Variants in SH3GL3 observed in about 807,000 individuals in gnomAD.
SH3GL3 encodes the protein SH3 domain containing GRB2 like 3, endophilin A3, also known as endophilin-A3.
A neutral mutation model predicts 47.7 loss-of-function variants in SH3GL3; 33 were observed. The observed-to-expected ratio is 0.69, with a 90% CI of 0.52 to 0.92. The LOEUF (loss-of-function observed/expected upper bound fraction) is 0.92. Ranked by LOEUF, SH3GL3 falls within the 40% of genes least tolerant of loss-of-function variation. The pLI is 0.00. For synonymous variants in SH3GL3, 155 were observed against 148.8 expected (o/e 1.04, Z -0.30); for missense variants, 363 against 417.8 (o/e 0.87, Z 1.14).
chr15:83,481,196 A>T (rs375938503), intron 1 of SH3GL3, among the ~76,000 whole-genome samples: 1 of 149,248 alleles, frequency 6.7e-6, no homozygotes, highest in South Asian at 2.1e-4. Flanking sequence ...AATCGCTTGA[A>T]CCCGGGAGGC....
At chr15:83,632,956 T>A in the SH3GL3 span, among the ~76,000 whole-genome samples, 2 of 152,166 alleles carry the variant, frequency 1.3e-5, no homozygotes, top group Non-Finnish European at 2.9e-5. Flanking sequence ...GTGTGCAACA[T>A]CATTAATCAG....
the SH3GL3 span, among the ~76,000 whole-genome samples, chr15:83,628,644 G>A: frequency 1.3e-5 from 2 of 152,202 alleles, no homozygotes; most frequent in Non-Finnish European, 2.9e-5. Flanking sequence ...TCAGGAAGCT[G>A]AGGCAGGAGA....
intron 8 of SH3GL3, among the ~76,000 whole-genome samples, chr15:83,590,456 C>T (rs2060065496): frequency 1.3e-5 from 2 of 152,148 alleles, no homozygotes; most frequent in African/African-American, 4.8e-5. Flanking sequence ...AGATCTTTAT[C>T]ATAAGGATTT....
intron 1 of SH3GL3, among the ~76,000 whole-genome samples, chr15:83,486,858 A>G (rs2041620492): frequency 6.6e-6 from 1 of 152,188 alleles, no homozygotes. Context: ...TGGCTTGCAG[A>G]TGGCTACCTT....
At chr15:83,603,804 A>G (rs2060447838) in intron 8 of SH3GL3, among the ~76,000 whole-genome samples, 1 of 152,230 alleles carries the variant, frequency 6.6e-6, no homozygotes, top group Non-Finnish European at 1.5e-5. Flanking sequence ...TATTATAGGC[A>G]AAAAGTTTTT....
intron 1 of SH3GL3, among the ~76,000 whole-genome samples, chr15:83,456,908 A>G (rs1473045603): frequency 6.6e-6 from 1 of 152,080 alleles, no homozygotes; most frequent in Non-Finnish European, 1.5e-5. Context: ...AGAGCTGTTT[A>G]CTCTTCTGGT....
At chr15:83,472,852 C>T (rs1000381346) in intron 1 of SH3GL3, among the ~76,000 whole-genome samples, 4 of 152,122 alleles carry the variant, frequency 2.6e-5, no homozygotes, top group Non-Finnish European at 4.4e-5. Flanking sequence ...TGACATTGCT[C>T]TGGTAGGGGA....
intron 1 of SH3GL3, among the ~76,000 whole-genome samples, chr15:83,493,978 A>G (rs1054544808): frequency 2.6e-5 from 4 of 152,364 alleles, no homozygotes; most frequent in East Asian, 1.9e-4. Flanking sequence ...AGAAACTTCA[A>G]TCGGGAGGGA....
At chr15:83,596,156 C>A (rs1171574683) in intron 8 of SH3GL3, among the ~76,000 whole-genome samples, 1 of 152,160 alleles carries the variant, frequency 6.6e-6, no homozygotes, top group Non-Finnish European at 1.5e-5. Flanking sequence ...TGTGTTATAT[C>A]ATTTCCACAT....
intron 1 of SH3GL3, among the ~76,000 whole-genome samples, chr15:83,555,819 G>A (rs1477440703): frequency 6.6e-6 from 1 of 152,184 alleles, no homozygotes; most frequent in East Asian, 1.9e-4. Flanking sequence ...CATAGCCTGT[G>A]TGCAGGCAAG....
intron 3 of SH3GL3, among the ~76,000 whole-genome samples, chr15:83,567,964 T>TC (rs1596277393): frequency 5.9e-5 from 9 of 151,758 alleles, no homozygotes; most frequent in Admixed American, 3.3e-4. Flanking sequence ...TTTCTTTTTT[T>TC]TTTTCTTTCT....
chr15:83,482,618 G>A (rs1412982376), intron 1 of SH3GL3, among the ~76,000 whole-genome samples: 1 of 151,436 alleles, frequency 6.6e-6, no homozygotes, highest in East Asian at 1.9e-4. Context: ...CTCAGCCTCC[G>A]GAGTAGCTGG....
At position 83,593,880 on chromosome 15, in the gene SH3GL3, G is replaced by A. The variant is rs77337411; in HGVS notation, c.838+5109G>A. On this transcript the variant is annotated intron_variant, in intron 8 of 8. Coordinates refer to ENST00000427482, the MANE Select transcript of SH3GL3 (RefSeq NM_003027.5). ...GTTGCCCAGGCTGGAGTGCAGTGGC[G>A]CAGTCGCAGCTTGTTGCAACCTCAA... 3.8e-3 allele frequency among the ~76,000 whole-genome samples: 580 copies of A among 151,940 alleles called. 19 individuals carry two copies. In the East Asian group the frequency reaches 0.088, roughly 23 times the overall value.
chr15:83,576,837 G>A, intron 6 of SH3GL3, 96 bp downstream of exon 6: 1 of 824,994 alleles, frequency 1.2e-6, no homozygotes, highest in African/African-American at 1.7e-5. Context: ...TAAAGCAGGA[G>A]TGTCCAATCT....
intron 1 of SH3GL3, among the ~76,000 whole-genome samples, chr15:83,544,280 G>T (rs1179101511): frequency 6.6e-6 from 1 of 151,978 alleles, no homozygotes; most frequent in Non-Finnish European, 1.5e-5. Flanking sequence ...TGGTCCTTCA[G>T]TAGCATACTG....
chr15:83,466,412 GAA>G (rs1491538432), intron 1 of SH3GL3, among the ~76,000 whole-genome samples: 1 of 131,532 alleles, frequency 7.6e-6, no homozygotes, highest in Non-Finnish European at 1.7e-5. Flanking sequence ...GCAATTGTTA[GAA>G]TATATATATA....
intron 6 of SH3GL3, among the ~76,000 whole-genome samples, chr15:83,582,698 A>G (rs2059862402): frequency 6.6e-6 from 1 of 152,220 alleles, no homozygotes; most frequent in South Asian, 2.1e-4. Context: ...ATTAGGAAGT[A>G]TTGAACTTGT....
intron 1 of SH3GL3, among the ~76,000 whole-genome samples, chr15:83,538,976 T>C (rs960270016): frequency 6.6e-6 from 1 of 152,206 alleles, no homozygotes; most frequent in Non-Finnish European, 1.5e-5. Context: ...CTCCTACAAA[T>C]ACTGTATGAG....
chr15:83,488,950 C>A (rs1037636754), intron 1 of SH3GL3, among the ~76,000 whole-genome samples: 8 of 152,212 alleles, frequency 5.3e-5, no homozygotes, highest in African/African-American at 9.7e-5. Flanking sequence ...ACCCAGAAGA[C>A]CATGTTGGCT....
Sources: allele counts gnomAD v4.1 joint callset (sites outside exome capture counted in the v4.1 genomes callset), GRCh38; gene constraint gnomAD v4.1.1; transcripts MANE v1.5; gene names NCBI Gene and HGNC (gene_info 2026-07-23, HGNC 2026-07-21).